MAST4: variants seen among roughly 807,000 people sequenced by gnomAD.
MAST4 encodes microtubule-associated serine/threonine-protein kinase 4.
In MAST4, 89 loss-of-function variants were observed where a neutral mutation model predicts 162.7. The observed-to-expected ratio is 0.55, with a 90% CI of 0.46 to 0.65. The LOEUF is 0.65. Ranked by LOEUF, MAST4 falls within the 30% of genes least tolerant of loss-of-function variation. The pLI, the probability that MAST4 is intolerant of heterozygous loss-of-function variation, is 0.00. For missense variants in MAST4, 3,153 were observed against 3,374.0 expected, an observed-to-expected ratio of 0.93 and a Z score of 1.62; for synonymous variants, 1,479 against 1,361.1, an observed-to-expected ratio of 1.09 and a Z score of -1.91.
intron 9 of MAST4, 46 bp downstream of exon 9, chr5:67,102,657 C>CCATAA: frequency 6.8e-7 from 1 of 1,481,112 alleles, no homozygotes; most frequent in Non-Finnish European, 9.4e-7. Context: ...CGAACAGGCA[C>CCATAA]CATAGGTTTA....
At position 67,130,207 on chromosome 5, in the gene MAST4, C is replaced by G. The variant is rs1384868935; in HGVS notation, c.1746-3C>G. 6.2e-7 allele frequency: 1 copy of G among 1,609,536 alleles called. No individual in the cohort carries two copies. The highest frequency in any genetic ancestry group is 1.7e-5 in the Admixed American group (1 of 59,236). ...CAACCCCAATACTTCTGCTCCTTTT[C>G]AGGGCAGTCTACTTTGTTCGGCATA... On this transcript the variant is annotated splice_region_variant and splice_polypyrimidine_tract_variant and intron_variant, in intron 14 of 28. Coordinates refer to ENST00000403625, the MANE Select transcript of MAST4 (RefSeq NM_001164664.2).
chr5:66,606,761 A>C (rs1161325640), intron 1 of MAST4, among the ~76,000 whole-genome samples: 1 of 152,210 alleles, frequency 6.6e-6, no homozygotes, highest in Admixed American at 6.5e-5. Flanking sequence ...GGGAGGGTGC[A>C]TGGCATATAG....
chr5:66,640,144 T>G lies in MAST4; in HGVS notation c.363+43126T>G, dbSNP rs547385087. 1.4e-3 allele frequency among the ~76,000 whole-genome samples: 211 copies of G among 152,288 alleles called. 1 individual carries two copies. Among genetic ancestry groups the G allele is most frequent in the African/African-American group, 5.0e-3 (206 of 41,570 alleles). On this transcript the variant is annotated intron_variant, in intron 1 of 28. Transcript: ENST00000403625. Reference sequence around the variant, plus strand: ...TATGTATACAACAACTATTTTTAGATTCCACATATGAGATAATGCAGTATT... The same window carrying G: ...TATGTATACAACAACTATTTTTAGAGTCCACATATGAGATAATGCAGTATT...
chr5:66,862,947 G>A (rs1304090156), intron 3 of MAST4, among the ~76,000 whole-genome samples: 1 of 152,136 alleles, frequency 6.6e-6, no homozygotes, highest in African/African-American at 2.4e-5. Flanking sequence ...CCTTCTCCAT[G>A]GAATCTGAGT....
chr5:66,627,155 A>C (rs567731447), intron 1 of MAST4, among the ~76,000 whole-genome samples: 11 of 152,122 alleles, frequency 7.2e-5, no homozygotes, highest in African/African-American at 2.7e-4. Context: ...GGGGAAGCAA[A>C]CATGTCCTTC....
At chr5:66,783,776 A>C (rs1317498447) in intron 2 of MAST4, among the ~76,000 whole-genome samples, 2 of 152,090 alleles carry the variant, frequency 1.3e-5, no homozygotes, top group Non-Finnish European at 2.9e-5. Flanking sequence ...TTGCTTTACA[A>C]TATCCTGTGA....
chr5:66,768,520 G>A (rs1468958237), intron 2 of MAST4, among the ~76,000 whole-genome samples: 1 of 152,178 alleles, frequency 6.6e-6, no homozygotes, highest in African/African-American at 2.4e-5. Context: ...TATGTTAAGT[G>A]AAAAAGTCAG....
At chr5:66,873,203 C>T (rs1368136195) in intron 3 of MAST4, among the ~76,000 whole-genome samples, 1 of 152,164 alleles carries the variant, frequency 6.6e-6, no homozygotes, top group Admixed American at 6.5e-5. Context: ...CCTCAAAACA[C>T]TGCGGTAGTA....
At chr5:67,011,062 GTT>G (rs1561530020) in intron 4 of MAST4, among the ~76,000 whole-genome samples, 1 of 152,176 alleles carries the variant, frequency 6.6e-6, no homozygotes, top group Non-Finnish European at 1.5e-5. Context: ...GGCAATGACA[GTT>G]TCCTTTTCAC....
At position 66,692,732 on chromosome 5, in the gene MAST4, G is replaced by C. The variant is rs1749130355; in HGVS notation, c.364-66977G>C. Among the ~76,000 whole-genome samples the C allele has an allele frequency of 1.3e-5, 2 of 152,046 alleles. 1 individual carries two copies. The highest frequency in any genetic ancestry group is 4.1e-4 in the South Asian group (2 of 4,824). On this transcript the variant is annotated intron_variant, in intron 1 of 28. Transcript: ENST00000403625. ...CAATCATCCCATTGTGAGGGCTCTGGTCGGGGCCTGCTTTCTAGCTTATTG... is the reference window on the plus strand; with the variant it reads ...CAATCATCCCATTGTGAGGGCTCTGCTCGGGGCCTGCTTTCTAGCTTATTG...
chr5:66,759,190 T>C (rs1205398925), intron 1 of MAST4, among the ~76,000 whole-genome samples: 1 of 152,206 alleles, frequency 6.6e-6, no homozygotes, highest in African/African-American at 2.4e-5. Context: ...ACAACATATA[T>C]TTGTGAGCAA....
intron 4 of MAST4, among the ~76,000 whole-genome samples, chr5:66,983,319 T>G (rs898456456): frequency 2.6e-5 from 4 of 152,234 alleles, no homozygotes; most frequent in Non-Finnish European, 5.9e-5. Flanking sequence ...TTTTCCATGA[T>G]GACAGACGGC....
chr5:67,056,994 C>G (rs1234766214), intron 5 of MAST4, among the ~76,000 whole-genome samples: 1 of 152,104 alleles, frequency 6.6e-6, no homozygotes, highest in Non-Finnish European at 1.5e-5. Context: ...CGAGCCACCG[C>G]ACCGCACCCA....
intron 19 of MAST4, among the ~76,000 whole-genome samples, chr5:67,139,360 T>G (rs950033709): frequency 3.9e-4 from 60 of 152,316 alleles, no homozygotes; most frequent in African/African-American, 1.4e-3. Flanking sequence ...GAAACTTCCA[T>G]GAAAGGAGAG....
At chr5:66,836,414 T>C (rs1042598310) in intron 3 of MAST4, among the ~76,000 whole-genome samples, 2 of 152,146 alleles carry the variant, frequency 1.3e-5, no homozygotes, top group Non-Finnish European at 2.9e-5. Flanking sequence ...AAAATAGAAC[T>C]ACCATTTGAC....
intron 3 of MAST4, among the ~76,000 whole-genome samples, chr5:66,814,453 CT>C (rs986768778): frequency 2.0e-5 from 3 of 152,134 alleles, no homozygotes; most frequent in African/African-American, 7.2e-5. Context: ...CCAGCAGTCC[CT>C]TCTGGCTCAT....
At chr5:66,696,134 A>G (rs1326603128) in intron 1 of MAST4, among the ~76,000 whole-genome samples, 2 of 152,142 alleles carry the variant, frequency 1.3e-5, no homozygotes, top group Non-Finnish European at 2.9e-5. Flanking sequence ...TCTCACTTAT[A>G]AGTGGGAGCT....
chr5:66,664,771 A>G (rs1747141392), intron 1 of MAST4, among the ~76,000 whole-genome samples: 1 of 152,116 alleles, frequency 6.6e-6, no homozygotes. Context: ...AAAATAAACT[A>G]TCAGTATGTT....
At chr5:66,948,894 A>T (rs1744342909) in intron 4 of MAST4, among the ~76,000 whole-genome samples, 1 of 152,154 alleles carries the variant, frequency 6.6e-6, no homozygotes, top group African/African-American at 2.4e-5. Context: ...AACAGTGACT[A>T]TAAAGATGTG....
Sources: allele counts gnomAD v4.1 joint callset (sites outside exome capture counted in the v4.1 genomes callset), GRCh38; gene constraint gnomAD v4.1.1; transcripts MANE v1.5; gene names NCBI Gene and HGNC (gene_info 2026-07-23, HGNC 2026-07-21).